MAMDC2: variants seen among roughly 807,000 people sequenced by gnomAD.
MAMDC2 encodes MAM domain containing 2, also known as MAM domain-containing protein 2.
MAMDC2 carries 57 observed loss-of-function variants against 89.8 expected under a neutral mutation model. The observed-to-expected ratio is 0.63, with a 90% CI of 0.51 to 0.79. The LOEUF is 0.79. Ranked by LOEUF, MAMDC2 falls within the 30% of genes least tolerant of loss-of-function variation. MAMDC2 has a pLI of 0.00. For missense variants in MAMDC2, 800 were observed against 820.6 expected, an observed-to-expected ratio of 0.97 and a Z score of 0.31; for synonymous variants, 313 against 293.4, an observed-to-expected ratio of 1.07 and a Z score of -0.68.
intron 5 of MAMDC2, among the ~76,000 whole-genome samples, chr9:70,114,977 G>C (rs901706995): frequency 3.3e-4 from 50 of 152,212 alleles, no homozygotes; most frequent in Non-Finnish European, 1.2e-4. Context: ...AAAAAGCTAA[G>C]AGCAATGATA....
intron 2 of MAMDC2, among the ~76,000 whole-genome samples, chr9:70,055,980 A>G (rs1035189836): frequency 2.1e-4 from 32 of 152,200 alleles, no homozygotes; most frequent in African/African-American, 7.5e-4. Context: ...TAGAATGGCA[A>G]TGTTTCTATA....
chr9:70,217,754 C>T, intron 11 of MAMDC2: 1 of 1,004,356 alleles, frequency 1.0e-6, no homozygotes, highest in Non-Finnish European at 1.5e-6. Context: ...AAAAGTGTCA[C>T]AAAAAGTTTT....
At chr9:70,093,203 T>C (rs1244289127) in intron 2 of MAMDC2, among the ~76,000 whole-genome samples, 2 of 152,190 alleles carry the variant, frequency 1.3e-5, no homozygotes, top group Non-Finnish European at 2.9e-5. Flanking sequence ...CAGAATTGCC[T>C]TGCACAATAC....
chr9:70,196,205 A>C (rs1486574550), intron 11 of MAMDC2, among the ~76,000 whole-genome samples: 1 of 151,996 alleles, frequency 6.6e-6, no homozygotes, highest in Non-Finnish European at 1.5e-5. Flanking sequence ...ACTTGGCCCC[A>C]CCTTTGGCAC....
Position 70,152,222 on chromosome 9 carries a change from C to T in MAMDC2, c.1404+8403C>T, listed in dbSNP as rs370201023. Among the ~76,000 whole-genome samples, 29 of 152,244 alleles carry T rather than the reference C, an allele frequency of 1.9e-4. 2 individuals carry two copies. The highest frequency in any genetic ancestry group is 6.7e-4 in the African/African-American group (28 of 41,528). ...GACAATGGGCTGCTTATTAATAACCCCTTGCTGTCTTCCCTGGGTAGTTTA... is the reference window on the plus strand; with the variant it reads ...GACAATGGGCTGCTTATTAATAACCTCTTGCTGTCTTCCCTGGGTAGTTTA... On this transcript the variant is annotated intron_variant, in intron 9 of 13. Transcript: ENST00000377182.
chr9:70,179,422 A>C (rs1209564556), intron 11 of MAMDC2, among the ~76,000 whole-genome samples: 1 of 151,778 alleles, frequency 6.6e-6, no homozygotes, highest in African/African-American at 2.4e-5. Flanking sequence ...TACTTGGAAG[A>C]CTGAGGCAGG....
At chr9:70,114,032 A>AT (rs1381410213) in intron 5 of MAMDC2, among the ~76,000 whole-genome samples, 1 of 151,214 alleles carries the variant, frequency 6.6e-6, no homozygotes, top group Non-Finnish European at 1.5e-5. Flanking sequence ...GGTTCTTACC[A>AT]TTTTTCTTCA....
At chr9:70,224,637 G>T (rs961752881) in intron 12 of MAMDC2, among the ~76,000 whole-genome samples, 3 of 152,092 alleles carry the variant, frequency 2.0e-5, no homozygotes, top group African/African-American at 7.2e-5. Flanking sequence ...CAATTTGATG[G>T]TCCCCACTCA....
intron 2 of MAMDC2, chr9:70,089,323 A>C (rs527705039): frequency 1.2e-4 from 19 of 152,344 alleles, no homozygotes; most frequent in Admixed American, 1.1e-3. Flanking sequence ...GAACATGTGC[A>C]TTCAGAATAT....
At chr9:70,177,640 G>A (rs1185137377) in intron 11 of MAMDC2, among the ~76,000 whole-genome samples, 2 of 152,190 alleles carry the variant, frequency 1.3e-5, no homozygotes, top group East Asian at 1.9e-4. Context: ...GCAGGAGGAA[G>A]CTGAAGTTTA....
chr9:70,063,300 G>A (rs561847862), intron 2 of MAMDC2: 1 of 152,286 alleles, frequency 6.6e-6, no homozygotes, highest in Admixed American at 6.5e-5. Context: ...GAGCCAAGTG[G>A]TATAAGGTTC....
At chr9:70,052,527 T>G (rs1190410880) in intron 2 of MAMDC2, among the ~76,000 whole-genome samples, 2 of 152,186 alleles carry the variant, frequency 1.3e-5, no homozygotes, top group Non-Finnish European at 2.9e-5. Flanking sequence ...AAACCCTCCC[T>G]TCCCATGGCT....
At chr9:70,071,970 A>G (rs780493460) in intron 2 of MAMDC2, among the ~76,000 whole-genome samples, 2 of 152,192 alleles carry the variant, frequency 1.3e-5, no homozygotes, top group Non-Finnish European at 2.9e-5. Flanking sequence ...CTGAATTTTA[A>G]AATTCAAATG....
intron 2 of MAMDC2, among the ~76,000 whole-genome samples, chr9:70,055,738 C>T (rs1827011983): frequency 6.6e-6 from 1 of 152,106 alleles, no homozygotes; most frequent in South Asian, 2.1e-4. Flanking sequence ...GCTCTTGGAA[C>T]CATTTGAAGG....
At chr9:70,061,334 T>C (rs1322438752) in intron 2 of MAMDC2, among the ~76,000 whole-genome samples, 1 of 152,202 alleles carries the variant, frequency 6.6e-6, no homozygotes, top group Non-Finnish European at 1.5e-5. Flanking sequence ...CAGCTAGAAG[T>C]GGCAGGGCTG....
intron 4 of MAMDC2, among the ~76,000 whole-genome samples, chr9:70,112,457 T>C (rs1828535662): frequency 6.6e-6 from 1 of 152,058 alleles, no homozygotes; most frequent in Non-Finnish European, 1.5e-5. Context: ...CAGACACATG[T>C]CCCTCAGCTC....
At chr9:70,110,551 A>G (rs752781) in intron 4 of MAMDC2, among the ~76,000 whole-genome samples, 5,011 of 152,240 alleles carry the variant, frequency 0.033, 267 homozygotes, top group African/African-American at 0.11. Context: ...GGAGAAAGAA[A>G]CAGGGCAGGT....
intron 11 of MAMDC2, among the ~76,000 whole-genome samples, chr9:70,189,003 T>C (rs2032822123): frequency 6.6e-6 from 1 of 152,162 alleles, no homozygotes; most frequent in African/African-American, 2.4e-5. Flanking sequence ...TATTCTATCA[T>C]GAATATGGCA....
At chr9:70,142,068 T>G (rs917412641) in intron 8 of MAMDC2, among the ~76,000 whole-genome samples, 3 of 152,154 alleles carry the variant, frequency 2.0e-5, no homozygotes, top group Non-Finnish European at 2.9e-5. Context: ...GTGACATAGT[T>G]TGGGGTGGCA....
Sources: gnomAD v4.1 joint callset for allele counts (sites outside exome capture counted in the v4.1 genomes callset) on GRCh38, gnomAD v4.1.1 for gene constraint, MANE v1.5 for transcripts, NCBI Gene and HGNC (gene_info 2026-07-23, HGNC 2026-07-21) for gene names.